Variants in CNTNAP2 observed in about 807,000 individuals in gnomAD.
CNTNAP2 encodes the protein contactin-associated protein-like 2.
CNTNAP2 carries 98 observed loss-of-function variants against 155.2 expected under a neutral mutation model. The observed-to-expected ratio is 0.63, with a 90% CI of 0.54 to 0.75. The LOEUF is 0.75. Among genes scored for constraint, CNTNAP2 ranks in the 30% least tolerant of loss-of-function variants. The probability of loss-of-function intolerance (pLI) is 0.00; values close to 1 mark genes in which losing one functional copy is unlikely to be tolerated. For synonymous variants in CNTNAP2, 651 were observed against 631.2 expected (o/e 1.03, Z -0.47); for missense variants, 1,727 against 1,688.1 (o/e 1.02, Z -0.40).
At chr7:147,234,619 A>G (rs1018306892) in intron 8 of CNTNAP2, among the ~76,000 whole-genome samples, 5 of 152,128 alleles carry the variant, frequency 3.3e-5, no homozygotes, top group Non-Finnish European at 5.9e-5. Context: ...GATTACAGGC[A>G]TGAGCCACCG....
chr7:146,978,835 G>A (rs1797960729), intron 3 of CNTNAP2, among the ~76,000 whole-genome samples: 1 of 151,986 alleles, frequency 6.6e-6, no homozygotes, highest in Non-Finnish European at 1.5e-5. Context: ...CTTTCAAGTA[G>A]CTCTCAGTGC....
intron 13 of CNTNAP2, among the ~76,000 whole-genome samples, chr7:147,836,431 C>T (rs1798636129): frequency 6.6e-6 from 1 of 152,012 alleles, no homozygotes; most frequent in South Asian, 2.1e-4. Context: ...TCTATGTGCT[C>T]CTCCTTTGGC....
At chr7:146,701,664 T>TACAC (rs141030695) in intron 1 of CNTNAP2, among the ~76,000 whole-genome samples, 9,764 of 151,116 alleles carry the variant, frequency 0.065, 780 homozygotes, top group African/African-American at 0.19. Context: ...TTTTTGTATA[T>TACAC]ACACACACAC....
chr7:146,891,178 C>T (rs758629811), intron 3 of CNTNAP2, among the ~76,000 whole-genome samples: 15 of 152,022 alleles, frequency 9.9e-5, no homozygotes, highest in African/African-American at 2.4e-4. Context: ...ATCATTTATA[C>T]GTGAGAGCTA....
chr7:147,274,488 G>A (rs987715043), intron 8 of CNTNAP2, among the ~76,000 whole-genome samples: 2 of 151,970 alleles, frequency 1.3e-5, no homozygotes, highest in Admixed American at 1.3e-4. Context: ...GTCTGTTCAT[G>A]TCCTTTGCCC....
At chr7:147,542,301 T>TG (rs758376002) in intron 11 of CNTNAP2, among the ~76,000 whole-genome samples, 1 of 143,578 alleles carries the variant, frequency 7.0e-6, no homozygotes, top group African/African-American at 2.6e-5. Context: ...TGTTCAGTGG[T>TG]AAAAAAAAAA....
At chr7:147,465,202 G>A (rs572473195) in intron 10 of CNTNAP2, among the ~76,000 whole-genome samples, 2 of 152,198 alleles carry the variant, frequency 1.3e-5, no homozygotes, top group South Asian at 2.1e-4. Flanking sequence ...AACTACCTAC[G>A]GAAAACTTTA....
At chr7:147,934,690 A>C (rs950844952) in intron 14 of CNTNAP2, among the ~76,000 whole-genome samples, 1 of 152,232 alleles carries the variant, frequency 6.6e-6, no homozygotes, top group South Asian at 2.1e-4. Context: ...GAAATCTTGA[A>C]CTTGGATCAA....
intron 4 of CNTNAP2, among the ~76,000 whole-genome samples, chr7:147,067,024 G>A (rs1799792455): frequency 6.6e-6 from 1 of 152,176 alleles, no homozygotes; most frequent in South Asian, 2.1e-4. Flanking sequence ...TGGGCGCATT[G>A]GCTGACGCCT....
chr7:147,636,607 C>T (rs994996315), intron 12 of CNTNAP2, among the ~76,000 whole-genome samples: 1 of 152,046 alleles, frequency 6.6e-6, no homozygotes, highest in African/African-American at 2.4e-5. Flanking sequence ...CCTGCACCCC[C>T]CAACAAGCCC....
At chr7:146,404,042 G>A (rs923980595) in intron 1 of CNTNAP2, among the ~76,000 whole-genome samples, 6 of 144,102 alleles carry the variant, frequency 4.2e-5, no homozygotes, top group African/African-American at 2.6e-5. Context: ...GGAGAATGGC[G>A]TGAACCCGGG....
chr7:147,474,795 G>A (rs1196984535), intron 10 of CNTNAP2, among the ~76,000 whole-genome samples: 2 of 152,124 alleles, frequency 1.3e-5, no homozygotes, highest in East Asian at 3.9e-4. Flanking sequence ...GATAGGGTAA[G>A]CTCAATCAAG....
At chr7:146,585,465 C>G (rs966328622) in intron 1 of CNTNAP2, among the ~76,000 whole-genome samples, 3 of 151,920 alleles carry the variant, frequency 2.0e-5, no homozygotes, top group African/African-American at 7.3e-5. Context: ...TTTCAGCACC[C>G]GAGCCTTAAA....
intron 20 of CNTNAP2, among the ~76,000 whole-genome samples, chr7:148,251,702 C>T (rs984374402): frequency 3.9e-5 from 6 of 152,202 alleles, no homozygotes; most frequent in Admixed American, 3.3e-4. Flanking sequence ...TTCTCTTGGC[C>T]CAAAGTACAC....
intron 1 of CNTNAP2, among the ~76,000 whole-genome samples, chr7:146,511,523 T>C (rs1196292060): frequency 1.3e-5 from 2 of 152,226 alleles, no homozygotes; most frequent in Non-Finnish European, 2.9e-5. Flanking sequence ...AATACTTTTT[T>C]AGCATCTATG....
At chr7:146,440,971 G>A (rs531958542) in intron 1 of CNTNAP2, among the ~76,000 whole-genome samples, 4 of 151,492 alleles carry the variant, frequency 2.6e-5, no homozygotes, top group Non-Finnish European at 5.9e-5. Context: ...GTTCATTCTT[G>A]TTCCCACTGG....
At chr7:147,022,961 G>A (rs76314732) in intron 3 of CNTNAP2, among the ~76,000 whole-genome samples, 8,621 of 152,122 alleles carry the variant, frequency 0.057, 330 homozygotes, top group Middle Eastern at 0.13. Flanking sequence ...GTCATGGTTT[G>A]TTATCTATGG....
At position 147,811,088 on chromosome 7, in the gene CNTNAP2, G is replaced by T. The variant is rs148079373; in HGVS notation, c.2099-92477G>T. On this transcript the variant is annotated intron_variant, in intron 13 of 23. Coordinates refer to ENST00000361727, the MANE Select transcript of CNTNAP2 (RefSeq NM_014141.6). ...AATAAAATGTGGACTATACCTTTGG[G>T]GGTTGTGTTCATTTGTTTGTTTTTA... is the stretch of plus-strand genomic sequence containing the variant. Among the ~76,000 whole-genome samples the T allele has an allele frequency of 3.7e-3, 556 of 152,144 alleles. 4 individuals carry two copies. Among genetic ancestry groups the T allele is most frequent in the African/African-American group, 0.013 (532 of 41,524 alleles).
intron 11 of CNTNAP2, among the ~76,000 whole-genome samples, chr7:147,520,820 C>T (rs77722728): frequency 0.011 from 1,626 of 152,198 alleles, 16 homozygotes; most frequent in Non-Finnish European, 0.016. Context: ...TGTTTTCTTC[C>T]TATTATAGTC....
Sources: gnomAD v4.1 joint callset for allele counts (sites outside exome capture counted in the v4.1 genomes callset) on GRCh38, gnomAD v4.1.1 for gene constraint, MANE v1.5 for transcripts, NCBI Gene and HGNC (gene_info 2026-07-23, HGNC 2026-07-21) for gene names.